RBFOX1: variants seen among roughly 807,000 people sequenced by gnomAD.
RBFOX1 encodes RNA binding protein fox-1 homolog 1.
RBFOX1 carries 8 observed loss-of-function variants against 57.7 expected under a neutral mutation model. The ratio of observed to expected loss-of-function variants is 0.14; its 90% CI spans 0.08 to 0.25. The LOEUF (loss-of-function observed/expected upper bound fraction) is 0.25, where lower values mean the gene tolerates loss of function less well. RBFOX1 is among the 10% of genes least tolerant of loss of function. RBFOX1 has a pLI of 1.00. For missense variants in RBFOX1, 611 were observed against 548.5 expected, an observed-to-expected ratio of 1.11 and a Z score of -1.14; for synonymous variants, 326 against 222.4, an observed-to-expected ratio of 1.47 and a Z score of -4.15.
At chr16:7,399,697 A>G (rs2098206679) in intron 4 of RBFOX1, among the ~76,000 whole-genome samples, 1 of 150,888 alleles carries the variant, frequency 6.6e-6, no homozygotes, top group Non-Finnish European at 1.5e-5. Flanking sequence ...TTGTCGATGG[A>G]TTTAGGGCTC....
chr16:7,382,444 A>G (rs1205773307), intron 4 of RBFOX1, among the ~76,000 whole-genome samples: 1 of 152,248 alleles, frequency 6.6e-6, no homozygotes, highest in Non-Finnish European at 1.5e-5. Context: ...TAAACATGAT[A>G]TATGGCTTTA....
chr16:6,252,554 A>C (rs996474261), intron 1 of RBFOX1, among the ~76,000 whole-genome samples: 5 of 152,190 alleles, frequency 3.3e-5, no homozygotes, highest in Non-Finnish European at 5.9e-5. Flanking sequence ...CCAGTTGGCC[A>C]GAAGAACAGG....
intron 4 of RBFOX1, among the ~76,000 whole-genome samples, chr16:7,257,672 G>T (rs1233440231): frequency 6.6e-6 from 1 of 152,048 alleles, no homozygotes; most frequent in Non-Finnish European, 1.5e-5. Context: ...GCCATCCTTG[G>T]GTCCAGTGTT....
intron 4 of RBFOX1, among the ~76,000 whole-genome samples, chr16:5,952,547 A>G (rs1203739228): frequency 6.6e-6 from 1 of 152,174 alleles, no homozygotes; most frequent in Non-Finnish European, 1.5e-5. Context: ...TTGGCCTTCC[A>G]AAGTGCTAAG....
intron 2 of RBFOX1, among the ~76,000 whole-genome samples, chr16:6,560,573 A>G (rs953883370): frequency 6.6e-6 from 1 of 152,178 alleles, no homozygotes; most frequent in Non-Finnish European, 1.5e-5. Context: ...AGTTGAGGGA[A>G]GAAGCAAGGT....
intron 3 of RBFOX1, among the ~76,000 whole-genome samples, chr16:5,836,660 G>A (rs1176313344): frequency 6.6e-6 from 1 of 152,162 alleles, no homozygotes; most frequent in African/African-American, 2.4e-5. Flanking sequence ...TTGGGGGCTG[G>A]GTTATTCTTT....
chr16:6,677,963 T>C (rs983236386), intron 3 of RBFOX1, among the ~76,000 whole-genome samples: 1 of 152,236 alleles, frequency 6.6e-6, no homozygotes, highest in African/African-American at 2.4e-5. Flanking sequence ...TACCGCCTAA[T>C]AGAAATATAA....
intron 4 of RBFOX1, among the ~76,000 whole-genome samples, chr16:7,249,020 G>C (rs1328197217): frequency 7.2e-5 from 11 of 152,126 alleles, no homozygotes. Context: ...GGGAGCCAGG[G>C]AATACAGCAC....
intron 3 of RBFOX1, among the ~76,000 whole-genome samples, chr16:6,859,796 A>G (rs1208134643): frequency 6.6e-6 from 1 of 151,444 alleles, no homozygotes; most frequent in African/African-American, 2.4e-5. Context: ...AAAGGCATTG[A>G]TACAAGTATA....
At chr16:7,437,216 C>T (rs1353930865) in intron 4 of RBFOX1, among the ~76,000 whole-genome samples, 1 of 151,740 alleles carries the variant, frequency 6.6e-6, no homozygotes, top group Non-Finnish European at 1.5e-5. Context: ...AACAAACATA[C>T]TATCCTCAAC....
chr16:5,844,289 T>G, intron 3 of RBFOX1, among the ~76,000 whole-genome samples: 1 of 152,336 alleles, frequency 6.6e-6, no homozygotes, highest in South Asian at 2.1e-4. Context: ...AGAGCAAAAC[T>G]GCCGGCAAGA....
Position 7,353,934 on chromosome 16 carries a change from T to C in RBFOX1, c.28-164213T>C, listed in dbSNP as rs188500707. On this transcript the variant is annotated intron_variant, in intron 4 of 15. Transcript: ENST00000550418. ...CACTTTCATACACAGTTGTACAGTT[T>C]TGTGAATATGTTAAATAACACAGAA... Among the ~76,000 whole-genome samples the C allele has an allele frequency of 1.9e-3, 286 of 152,300 alleles. 6 individuals carry two copies. The highest frequency in any genetic ancestry group is 7.9e-4 in the Non-Finnish European group (54 of 68,016).
At chr16:5,812,664 G>T (rs560996815) in intron 3 of RBFOX1, among the ~76,000 whole-genome samples, 17 of 152,002 alleles carry the variant, frequency 1.1e-4, no homozygotes, top group Admixed American at 7.9e-4. Context: ...CTCTCCCTCT[G>T]TTGCCTACGT....
At chr16:7,504,494 G>T (rs2072099834) in intron 4 of RBFOX1, among the ~76,000 whole-genome samples, 1 of 150,638 alleles carries the variant, frequency 6.6e-6, no homozygotes, top group Admixed American at 6.6e-5. Context: ...ATGGTGAATT[G>T]TTCCACCATA....
At chr16:7,183,186 A>G (rs762024336) in intron 4 of RBFOX1, among the ~76,000 whole-genome samples, 28 of 152,164 alleles carry the variant, frequency 1.8e-4, no homozygotes, top group Non-Finnish European at 3.2e-4. Context: ...CAGATAGAAC[A>G]GCCACTTCTC....
chr16:5,921,905 A>G (rs773943760), intron 4 of RBFOX1, among the ~76,000 whole-genome samples: 29 of 151,998 alleles, frequency 1.9e-4, no homozygotes, highest in Non-Finnish European at 3.5e-4. Flanking sequence ...TAATCCCAGC[A>G]CTTTGGGAAG....
At chr16:5,707,781 ATGG>A (rs1334637251) in intron 3 of RBFOX1, among the ~76,000 whole-genome samples, 8 of 152,204 alleles carry the variant, frequency 5.3e-5, no homozygotes, top group African/African-American at 1.9e-4. Context: ...TGTAAAGGAC[ATGG>A]TGGAATACTT....
At chr16:6,802,593 C>G (rs1872538121) in intron 3 of RBFOX1, among the ~76,000 whole-genome samples, 2 of 152,188 alleles carry the variant, frequency 1.3e-5, no homozygotes, top group South Asian at 2.1e-4. Context: ...AGGAGAATCG[C>G]TTGAACCTGG....
Position 5,616,999 on chromosome 16 carries a change from G to C in RBFOX1, c.318+18038G>C, listed in dbSNP as rs1458130884. Among the ~76,000 whole-genome samples the C allele has an allele frequency of 6.6e-5, 10 of 151,646 alleles. 1 individual carries two copies. The highest frequency in any genetic ancestry group is 1.5e-4 in the Non-Finnish European group (10 of 67,936). On this transcript the variant is annotated intron_variant, in intron 3 of 19. Transcript: ENST00000641259. ...TTGTTCCAAGTGAAACTGGCCGGAG[G>C]GCAGTTCCTGAGTTAGAGACTAGAT... is the stretch of plus-strand genomic sequence containing the variant.
Sources: gnomAD v4.1 joint callset for allele counts (sites outside exome capture counted in the v4.1 genomes callset) on GRCh38, gnomAD v4.1.1 for gene constraint, MANE v1.5 for transcripts, NCBI Gene and HGNC (gene_info 2026-07-23, HGNC 2026-07-21) for gene names.